DPP10: variants seen among roughly 807,000 people sequenced by gnomAD.
DPP10 encodes dipeptidyl peptidase like 10.
A neutral mutation model predicts 120.9 loss-of-function variants in DPP10; 33 were observed. The observed-to-expected ratio is 0.27, with a 90% CI of 0.21 to 0.37. The LOEUF (loss-of-function observed/expected upper bound fraction) is 0.37. Among genes scored for constraint, DPP10 ranks in the 10% least tolerant of loss-of-function variants. The pLI, the probability that DPP10 is intolerant of heterozygous loss-of-function variation, is 1.00. For missense variants in DPP10, 816 were observed against 942.8 expected, an observed-to-expected ratio of 0.87 and a Z score of 1.76; for synonymous variants, 337 against 326.1, an observed-to-expected ratio of 1.03 and a Z score of -0.36.
chr2:115,388,670 G>A (rs1401124236), intron 3 of DPP10, among the ~76,000 whole-genome samples: 4 of 152,132 alleles, frequency 2.6e-5, no homozygotes, highest in Non-Finnish European at 5.9e-5. Flanking sequence ...TCCTGATTAT[G>A]TTGTTTTTTT....
At chr2:115,461,023 ATAAAT>A (rs1426772190) in intron 3 of DPP10, among the ~76,000 whole-genome samples, 5 of 152,216 alleles carry the variant, frequency 3.3e-5, no homozygotes, top group Admixed American at 6.5e-5. Context: ...AAAGATAAAA[ATAAAT>A]TAAATGCAAT....
rs114284310 is a variant in DPP10, at chr2:115,676,426, C to T, written c.442-13261C>T. On this transcript the variant is annotated intron_variant, in intron 5 of 25. Coordinates refer to ENST00000410059, the MANE Select transcript of DPP10 (RefSeq NM_020868.6). ...CATAAAACTGGAAGAAGAGATTGTT[C>T]CACCAGATGCACAGATATTAACATA... Among the ~76,000 whole-genome samples the T allele has an allele frequency of 5.5e-3, 837 of 152,044 alleles. 13 individuals carry two copies. Among genetic ancestry groups the T allele is most frequent in the African/African-American group, 0.019 (803 of 41,456 alleles).
intron 1 of DPP10, among the ~76,000 whole-genome samples, chr2:115,101,795 AG>A (rs2048702230): frequency 6.6e-6 from 1 of 152,180 alleles, no homozygotes; most frequent in Non-Finnish European, 1.5e-5. Flanking sequence ...TACACTTTCT[AG>A]GCCACACATG....
chr2:115,296,266 G>A (rs1338764579), intron 1 of DPP10, among the ~76,000 whole-genome samples: 3 of 152,050 alleles, frequency 2.0e-5, no homozygotes, highest in Admixed American at 1.3e-4. Flanking sequence ...ATGCTCGGCG[G>A]CCTCTAAAGG....
intron 3 of DPP10, among the ~76,000 whole-genome samples, chr2:115,401,632 C>T (rs1298167060): frequency 1.3e-5 from 2 of 151,996 alleles, no homozygotes; most frequent in Non-Finnish European, 2.9e-5. Flanking sequence ...TCCTAGAAAA[C>T]AAGGCATAAA....
At chr2:114,854,662 G>A (rs927122777) in intron 1 of DPP10, among the ~76,000 whole-genome samples, 5 of 152,154 alleles carry the variant, frequency 3.3e-5, no homozygotes, top group Non-Finnish European at 7.4e-5. Context: ...CCTTTTCTTT[G>A]TTATGGAAAT....
chr2:115,271,892 G>A (rs932928830), intron 1 of DPP10, among the ~76,000 whole-genome samples: 4 of 152,010 alleles, frequency 2.6e-5, no homozygotes, highest in African/African-American at 9.7e-5. Flanking sequence ...AAATTTTCAT[G>A]AGTTCCATTT....
At chr2:115,092,178 C>T (rs1382662081) in intron 1 of DPP10, among the ~76,000 whole-genome samples, 1 of 152,162 alleles carries the variant, frequency 6.6e-6, no homozygotes, top group African/African-American at 2.4e-5. Flanking sequence ...GTGGTAGACT[C>T]TCTCTGTTTG....
chr2:115,120,165 G>T (rs1478460045), intron 1 of DPP10, among the ~76,000 whole-genome samples: 1 of 152,178 alleles, frequency 6.6e-6, no homozygotes, highest in Non-Finnish European at 1.5e-5. Flanking sequence ...AGTGTTGCTG[G>T]GTATTTCCTT....
chr2:115,656,195 A>T (rs1287462500), intron 5 of DPP10, among the ~76,000 whole-genome samples: 1 of 150,950 alleles, frequency 6.6e-6, no homozygotes, highest in Non-Finnish European at 1.5e-5. Flanking sequence ...TTTGGTGATG[A>T]TATAATGGGT....
At chr2:114,662,997 TTGAAGTTTGA>T (rs1697547391) in intron 1 of DPP10, among the ~76,000 whole-genome samples, 1 of 152,140 alleles carries the variant, frequency 6.6e-6, no homozygotes, top group African/African-American at 2.4e-5. Flanking sequence ...ATTGTTCTTA[TTGAAGTTTGA>T]TGAATGGTGT....
chr2:115,793,928 A>G (rs567382256), intron 19 of DPP10, among the ~76,000 whole-genome samples: 2 of 152,084 alleles, frequency 1.3e-5, no homozygotes, highest in African/African-American at 2.4e-5. Context: ...CTAAAACACT[A>G]TGCTTGAAAA....
At chr2:115,760,248 A>G (rs1679951453) in intron 11 of DPP10, among the ~76,000 whole-genome samples, 1 of 152,192 alleles carries the variant, frequency 6.6e-6, no homozygotes, top group Admixed American at 6.5e-5. Flanking sequence ...TAGAAACAAA[A>G]TACTGATACG....
chr2:114,514,001 G>A (rs925290176), intron 1 of DPP10, among the ~76,000 whole-genome samples: 8 of 152,148 alleles, frequency 5.3e-5, no homozygotes, highest in East Asian at 1.9e-4. Flanking sequence ...GGTTTGAATC[G>A]AAAGCAGGGT....
chr2:114,928,408 G>A (rs190232708), intron 1 of DPP10, among the ~76,000 whole-genome samples: 71 of 152,322 alleles, frequency 4.7e-4, no homozygotes, highest in Middle Eastern at 3.4e-3. Context: ...AAAATCAGTA[G>A]GGCTGACATT....
intron 1 of DPP10, among the ~76,000 whole-genome samples, chr2:114,650,227 G>C (rs954836079): frequency 2.6e-5 from 4 of 152,110 alleles, no homozygotes; most frequent in African/African-American, 9.7e-5. Flanking sequence ...GAACAAGAAA[G>C]GTGGTTTTGG....
chr2:115,111,089 A>G (rs769712159), intron 1 of DPP10, among the ~76,000 whole-genome samples: 31 of 152,194 alleles, frequency 2.0e-4, no homozygotes, highest in Non-Finnish European at 1.3e-4. Flanking sequence ...CTATGGCACT[A>G]AAGTTCTAAT....
At chr2:114,543,403 A>C (rs536561889) in intron 1 of DPP10, among the ~76,000 whole-genome samples, 50 of 152,364 alleles carry the variant, frequency 3.3e-4, no homozygotes, top group African/African-American at 1.1e-3. Context: ...AAAGTAGGAA[A>C]TAGCAAGAGG....
chr2:115,159,691 A>C (rs2052160908), intron 1 of DPP10, among the ~76,000 whole-genome samples: 1 of 152,198 alleles, frequency 6.6e-6, no homozygotes, highest in Admixed American at 6.5e-5. Flanking sequence ...CAAATACTTA[A>C]ATCAAAGAAG....
Sources: allele counts gnomAD v4.1 joint callset (sites outside exome capture counted in the v4.1 genomes callset), GRCh38; gene constraint gnomAD v4.1.1; transcripts MANE v1.5; gene names NCBI Gene and HGNC (gene_info 2026-07-23, HGNC 2026-07-21).